RARB: variants seen among roughly 807,000 people sequenced by gnomAD.
The protein encoded by RARB is HBV-activated protein.
A neutral mutation model predicts 51.9 loss-of-function variants in RARB; 17 were observed. The ratio of observed to expected loss-of-function variants is 0.33; its 90% CI spans 0.22 to 0.49. RARB has a LOEUF of 0.49. Ranked by LOEUF, RARB falls within the 20% of genes least tolerant of loss-of-function variation. The pLI is 0.99. For missense variants in RARB, 369 were observed against 550.8 expected (o/e 0.67, Z 3.30); for synonymous variants, 215 against 195.4 (o/e 1.10, Z -0.84).
chr3:25,570,705 T>C (rs1366839720), intron 4 of RARB, among the ~76,000 whole-genome samples: 2 of 152,248 alleles, frequency 1.3e-5, no homozygotes, highest in African/African-American at 4.8e-5. Flanking sequence ...CACTGATGTA[T>C]ATTTCTAACT....
At chr3:25,375,902 A>G (rs1357493806) in intron 5 of RARB, among the ~76,000 whole-genome samples, 1 of 152,178 alleles carries the variant, frequency 6.6e-6, no homozygotes, top group African/African-American at 2.4e-5. Context: ...CCTACCATTT[A>G]CTAGCTATGT....
intron 5 of RARB, among the ~76,000 whole-genome samples, chr3:25,241,853 T>G (rs1702438906): frequency 6.6e-6 from 1 of 152,222 alleles, no homozygotes; most frequent in Non-Finnish European, 1.5e-5. Flanking sequence ...GGTCAAATGG[T>G]ATTTCTAGTT....
chr3:25,500,767 C>G (rs1697273292), intron 2 of RARB, among the ~76,000 whole-genome samples: 1 of 152,140 alleles, frequency 6.6e-6, no homozygotes, highest in South Asian at 2.1e-4. Context: ...GAGTGAGCCA[C>G]TGCACCCAGC....
chr3:25,301,745 C>G (rs1005413094), intron 5 of RARB, among the ~76,000 whole-genome samples: 3 of 152,262 alleles, frequency 2.0e-5, no homozygotes. Context: ...GAGGCTCTTG[C>G]GGTGGCAGTT....
chr3:24,947,350 A>G (rs1364417878), intron 2 of RARB, among the ~76,000 whole-genome samples: 1 of 152,242 alleles, frequency 6.6e-6, no homozygotes, highest in Non-Finnish European at 1.5e-5. Context: ...TTACAGATGC[A>G]CATTTTATAG....
At chr3:25,108,348 C>T (rs1232466234) in intron 3 of RARB, among the ~76,000 whole-genome samples, 1 of 152,032 alleles carries the variant, frequency 6.6e-6, no homozygotes, top group Non-Finnish European at 1.5e-5. Flanking sequence ...CAGAAGAGTC[C>T]AGGTTAGGGT....
chr3:25,146,022 C>T (rs1700183305), intron 4 of RARB, among the ~76,000 whole-genome samples: 2 of 151,700 alleles, frequency 1.3e-5, no homozygotes, highest in South Asian at 4.2e-4. Flanking sequence ...AAAATTCATG[C>T]CTAAGAGACA....
chr3:25,098,429 TAAG>T (rs1699340644), intron 3 of RARB, among the ~76,000 whole-genome samples: 1 of 152,232 alleles, frequency 6.6e-6, no homozygotes, highest in African/African-American at 2.4e-5. Flanking sequence ...CTTTATTCTC[TAAG>T]AAGATGAAGT....
intron 5 of RARB, chr3:25,324,214 A>T (rs1283457082): frequency 6.4e-6 from 1 of 155,798 alleles, no homozygotes. Flanking sequence ...AAGGTATCCA[A>T]TGACATGAAG....
At chr3:25,441,132 C>T (rs547328863) in intron 1 of RARB, 2 of 162,160 alleles carry the variant, frequency 1.2e-5, no homozygotes, top group Middle Eastern at 5.9e-3. Context: ...ATAGTGGACT[C>T]CTAAGCACGT....
At chr3:25,568,039 G>A (rs938948506) in intron 3 of RARB, among the ~76,000 whole-genome samples, 2 of 152,078 alleles carry the variant, frequency 1.3e-5, no homozygotes, top group African/African-American at 4.8e-5. Flanking sequence ...AGCGTCCTGC[G>A]CCGGCTGGGA....
chr3:25,117,665 A>C (rs1442034772), intron 3 of RARB, among the ~76,000 whole-genome samples: 1 of 152,180 alleles, frequency 6.6e-6, no homozygotes, highest in African/African-American at 2.4e-5. Flanking sequence ...GGGTAATGGC[A>C]GTGAAGATAT....
At chr3:24,891,694 G>A (rs1575057077) in intron 2 of RARB, among the ~76,000 whole-genome samples, 1 of 152,150 alleles carries the variant, frequency 6.6e-6, no homozygotes, top group East Asian at 1.9e-4. Flanking sequence ...AGATGCAGGG[G>A]ACATTAAAGA....
intron 3 of RARB, among the ~76,000 whole-genome samples, chr3:25,516,629 G>GTGTTTTTTTTTTTTTTTTTTTT (rs1559446380): frequency 8.2e-6 from 1 of 122,634 alleles, no homozygotes; most frequent in African/African-American, 4.7e-5. Context: ...TTATTTCCTT[G>GTGTTTTTTTTTTTTTTTTTTTT]TCTTTTTTTT....
At chr3:24,917,107 T>G (rs1695123333) in intron 2 of RARB, among the ~76,000 whole-genome samples, 1 of 152,220 alleles carries the variant, frequency 6.6e-6, no homozygotes, top group Non-Finnish European at 1.5e-5. Flanking sequence ...TAAAAAAATT[T>G]TATAATGAAG....
At chr3:25,508,894 T>A (rs369384658) in intron 3 of RARB, among the ~76,000 whole-genome samples, 10 of 146,882 alleles carry the variant, frequency 6.8e-5, no homozygotes, top group South Asian at 4.3e-4. Flanking sequence ...TTAGGAGATT[T>A]AAAAAAAAAA....
At chr3:25,063,795 A>G (rs1380794852) in intron 3 of RARB, among the ~76,000 whole-genome samples, 1 of 151,478 alleles carries the variant, frequency 6.6e-6, no homozygotes, top group Admixed American at 6.6e-5. Context: ...ATATTTTCAG[A>G]CTCAGCTTCA....
rs1431449321 is a variant in RARB, at chr3:25,541,089, A to G, written c.449-28669A>G. ...GTTTTTTTGGAACACAACCATGCCT[A>G]TTCATTTATACTCATTGTCTAAAGC... is the stretch of plus-strand genomic sequence containing the variant. On this transcript the variant is annotated intron_variant, in intron 3 of 7. Coordinates refer to ENST00000330688, the MANE Select transcript of RARB (RefSeq NM_000965.5). 2.0e-5 allele frequency among the ~76,000 whole-genome samples: 3 copies of G among 152,244 alleles called. No homozygotes were observed. In the East Asian group the frequency reaches 5.8e-4, roughly 29 times the overall value.
intron 5 of RARB, among the ~76,000 whole-genome samples, chr3:25,264,428 T>A (rs1575269117): frequency 6.6e-6 from 1 of 152,180 alleles, no homozygotes; most frequent in Non-Finnish European, 1.5e-5. Flanking sequence ...CAATGCCACT[T>A]GAATTCAGTG....
Sources: allele counts gnomAD v4.1 joint callset (sites outside exome capture counted in the v4.1 genomes callset), GRCh38; gene constraint gnomAD v4.1.1; transcripts MANE v1.5; gene names NCBI Gene and HGNC (gene_info 2026-07-23, HGNC 2026-07-21).